Variants in DLG2 observed in about 807,000 individuals in gnomAD.
The protein encoded by DLG2 is disks large homolog 2.
In DLG2, 45 loss-of-function variants were observed where a neutral mutation model predicts 132.5. The ratio of observed to expected loss-of-function variants is 0.34; its 90% confidence interval spans 0.27 to 0.44. The LOEUF is 0.44. Ranked by LOEUF, DLG2 falls within the 20% of genes least tolerant of loss-of-function variation. DLG2 has a pLI of 1.00. For synonymous variants in DLG2, 424 were observed against 419.6 expected (o/e 1.01, Z -0.13); for missense variants, 1,045 against 1,196.9 (o/e 0.87, Z 1.87).
intron 3 of DLG2, among the ~76,000 whole-genome samples, chr11:85,470,122 T>G (rs567958855): frequency 1.3e-4 from 20 of 151,506 alleles, no homozygotes; most frequent in African/African-American, 4.4e-4. Flanking sequence ...GCCTAGAATA[T>G]TTTCTCCCTA....
chr11:84,166,488 A>G, intron 8 of DLG2, among the ~76,000 whole-genome samples: 1 of 141,258 alleles, frequency 7.1e-6, no homozygotes, highest in African/African-American at 2.7e-5. Context: ...GTGACAGAGT[A>G]AGACTCTGCT....
At chr11:85,447,007 T>A (rs187200049) in intron 3 of DLG2, among the ~76,000 whole-genome samples, 246 of 152,250 alleles carry the variant, frequency 1.6e-3, no homozygotes, top group African/African-American at 5.7e-3. Context: ...GGCAACACAG[T>A]GTGCATTGGT....
intron 12 of DLG2, among the ~76,000 whole-genome samples, chr11:83,976,773 C>T (rs78197122): frequency 0.012 from 1,864 of 151,802 alleles, 41 homozygotes; most frequent in African/African-American, 0.043. Context: ...AAACTCAAAA[C>T]AATTAAGGAT....
At chr11:84,851,042 AAATT>A (rs1397039644) in intron 6 of DLG2, among the ~76,000 whole-genome samples, 2 of 152,112 alleles carry the variant, frequency 1.3e-5, no homozygotes, top group Admixed American at 6.6e-5. Flanking sequence ...GATATGACTC[AAATT>A]AATAGGAATA....
At chr11:85,320,660 C>G (rs2080999772) in intron 3 of DLG2, among the ~76,000 whole-genome samples, 1 of 151,618 alleles carries the variant, frequency 6.6e-6, no homozygotes, top group Non-Finnish European at 1.5e-5. Context: ...ATCAAATAGT[C>G]AGTAAAGAGG....
chr11:85,564,686 C>T (rs1436696942), intron 3 of DLG2, among the ~76,000 whole-genome samples: 1 of 151,904 alleles, frequency 6.6e-6, no homozygotes, highest in Non-Finnish European at 1.5e-5. Context: ...AAAATTTGTA[C>T]TTGTCCAACT....
chr11:85,213,989 G>A (rs2082412985), intron 4 of DLG2, among the ~76,000 whole-genome samples: 1 of 152,098 alleles, frequency 6.6e-6, no homozygotes, highest in African/African-American at 2.4e-5. Context: ...CCAAAGTAAA[G>A]AAGATAAGCT....
At chr11:85,157,267 A>G (rs577676894) in intron 4 of DLG2, among the ~76,000 whole-genome samples, 189 of 151,966 alleles carry the variant, frequency 1.2e-3, no homozygotes, top group Middle Eastern at 3.4e-3. Context: ...AATACTTAAT[A>G]AGCACATATA....
intron 6 of DLG2, among the ~76,000 whole-genome samples, chr11:84,944,154 C>G (rs1177078178): frequency 6.6e-6 from 1 of 151,890 alleles, no homozygotes; most frequent in Non-Finnish European, 1.5e-5. Flanking sequence ...CTTTTAGGAT[C>G]CTTTCTTTAT....
intron 7 of DLG2, among the ~76,000 whole-genome samples, chr11:84,402,083 C>G (rs2098831585): frequency 2.0e-5 from 3 of 152,198 alleles, no homozygotes; most frequent in Admixed American, 2.0e-4. Context: ...TTCAGATAAG[C>G]CATGCCTCTC....
chr11:84,289,515 ACTCT>A (rs1160171426), intron 7 of DLG2, among the ~76,000 whole-genome samples: 1 of 151,824 alleles, frequency 6.6e-6, no homozygotes, highest in African/African-American at 2.4e-5. Flanking sequence ...GACATGACTC[ACTCT>A]CTCAGTATGA....
chr11:85,568,761 AC>A (rs201615636), intron 3 of DLG2, among the ~76,000 whole-genome samples: 2,174 of 152,190 alleles, frequency 0.014, 46 homozygotes, highest in African/African-American at 0.049. Flanking sequence ...TAAAGCTCAC[AC>A]TTTCAATCCT....
intron 9 of DLG2, among the ~76,000 whole-genome samples, chr11:84,133,350 A>T (rs1006764125): frequency 6.6e-6 from 1 of 152,074 alleles, no homozygotes; most frequent in African/African-American, 2.4e-5. Context: ...AACTGAGGTC[A>T]CATGACTTCT....
At chr11:84,130,721 T>C (rs924053829) in intron 9 of DLG2, among the ~76,000 whole-genome samples, 4 of 151,712 alleles carry the variant, frequency 2.6e-5, no homozygotes, top group Admixed American at 2.6e-4. Context: ...ACAGCAGAAA[T>C]AAACCACTGC....
intron 6 of DLG2, among the ~76,000 whole-genome samples, chr11:84,861,650 A>AAAAAAAC (rs1344450913): frequency 6.9e-6 from 1 of 145,856 alleles, no homozygotes; most frequent in African/African-American, 2.5e-5. Flanking sequence ...CAAAAAAAAA[A>AAAAAAAC]ACCTATCAGA....
At chr11:85,524,731 C>T (rs182998776) in intron 3 of DLG2, among the ~76,000 whole-genome samples, 3 of 152,266 alleles carry the variant, frequency 2.0e-5, no homozygotes, top group Admixed American at 1.3e-4. Flanking sequence ...TGGACTCAAG[C>T]TGTCCTCCAA....
At chr11:84,822,616 A>G (rs937310476) in intron 6 of DLG2, among the ~76,000 whole-genome samples, 1 of 151,904 alleles carries the variant, frequency 6.6e-6, no homozygotes, top group Non-Finnish European at 1.5e-5. Flanking sequence ...GGGTCACAGG[A>G]ACTAGCTTTC....
chr11:85,522,295 G>C (rs757939483), intron 3 of DLG2, among the ~76,000 whole-genome samples: 1 of 152,194 alleles, frequency 6.6e-6, no homozygotes, highest in African/African-American at 2.4e-5. Context: ...AAGAACTGAG[G>C]TTTGGGGAAC....
At chr11:84,443,055 A>G (rs570481583) in intron 7 of DLG2, among the ~76,000 whole-genome samples, 1 of 152,178 alleles carries the variant, frequency 6.6e-6, no homozygotes, top group East Asian at 1.9e-4. Flanking sequence ...TGAAAAAAAG[A>G]TTCCAAATAA....
Sources: allele counts gnomAD v4.1 joint callset (sites outside exome capture counted in the v4.1 genomes callset), GRCh38; gene constraint gnomAD v4.1.1; transcripts MANE v1.5; gene names NCBI Gene and HGNC (gene_info 2026-07-23, HGNC 2026-07-21).